Variants in SLC4A10 observed in about 807,000 individuals in gnomAD.
The protein encoded by SLC4A10 is solute carrier family 4 member 10, also known as sodium-driven chloride bicarbonate exchanger.
Under a neutral mutation model 137.7 loss-of-function variants are expected in SLC4A10, and 42 were observed. The ratio of observed to expected loss-of-function variants is 0.30; its 90% CI spans 0.24 to 0.39. The LOEUF (loss-of-function observed/expected upper bound fraction) is 0.39, where lower values mean the gene tolerates loss of function less well. Ranked by LOEUF, SLC4A10 falls within the 10% of genes least tolerant of loss-of-function variation. SLC4A10 has a pLI of 1.00. For missense variants in SLC4A10, 925 were observed against 1,355.0 expected (o/e 0.68, Z 4.98); for synonymous variants, 474 against 464.1 (o/e 1.02, Z -0.27).
rs545539020 is a variant in SLC4A10, at chr2:161,641,434, C to A, written c.48+16868C>A. On this transcript the variant is annotated intron_variant, in intron 1 of 26. Coordinates refer to ENST00000446997, the MANE Select transcript of SLC4A10 (RefSeq NM_001178015.2). The stretch of plus-strand genomic sequence containing the variant: ...GTGAAATAAAGCATGATGATTTGAA[C>A]CTTGCTCATAATGCTGATTTAATAA... Among the ~76,000 whole-genome samples, 16 of 152,134 alleles carry A rather than the reference C, an allele frequency of 1.1e-4. No homozygotes were observed. In the East Asian group the frequency reaches 2.5e-3, roughly 24 times the overall value.
chr2:161,690,033 A>C (rs2041824941), intron 1 of SLC4A10, among the ~76,000 whole-genome samples: 1 of 152,170 alleles, frequency 6.6e-6, no homozygotes, highest in Non-Finnish European at 1.5e-5. Flanking sequence ...ATAGGAAAAA[A>C]GTTTTGCAAT....
chr2:161,966,513 A>G (rs990182875), intron 23 of SLC4A10, among the ~76,000 whole-genome samples: 1 of 152,032 alleles, frequency 6.6e-6, no homozygotes, highest in Non-Finnish European at 1.5e-5. Flanking sequence ...GCAGTTTGGG[A>G]GGCTGAGGCG....
intron 1 of SLC4A10, among the ~76,000 whole-genome samples, chr2:161,640,813 A>C (rs1180254558): frequency 6.6e-6 from 1 of 151,954 alleles, no homozygotes; most frequent in African/African-American, 2.4e-5. Flanking sequence ...CTGCAGGCAC[A>C]CACCACCCTC....
chr2:161,727,451 C>T (rs1418861677), intron 1 of SLC4A10, among the ~76,000 whole-genome samples: 1 of 152,106 alleles, frequency 6.6e-6, no homozygotes, highest in Non-Finnish European at 1.5e-5. Flanking sequence ...AAGAAAACTT[C>T]CAACATAAAA....
intron 1 of SLC4A10, among the ~76,000 whole-genome samples, chr2:161,656,635 T>C (rs2037572103): frequency 6.6e-6 from 1 of 152,138 alleles, no homozygotes; most frequent in Non-Finnish European, 1.5e-5. Context: ...TTGAACAATA[T>C]ATTTTTGCAT....
intron 15 of SLC4A10, among the ~76,000 whole-genome samples, chr2:161,912,565 C>A (rs904158102): frequency 6.6e-6 from 1 of 152,080 alleles, no homozygotes; most frequent in African/African-American, 2.4e-5. Flanking sequence ...GGTCAAGTTA[C>A]AACCATGGGC....
intron 1 of SLC4A10, among the ~76,000 whole-genome samples, chr2:161,636,862 T>C (rs942197372): frequency 6.6e-6 from 1 of 150,696 alleles, no homozygotes; most frequent in Non-Finnish European, 1.5e-5. Context: ...TCTAATTAAT[T>C]TTTTTATTTT....
chr2:161,766,583 A>G (rs1367547373), intron 1 of SLC4A10, among the ~76,000 whole-genome samples: 2 of 152,126 alleles, frequency 1.3e-5, no homozygotes, highest in East Asian at 3.9e-4. Flanking sequence ...ACAGCACCTC[A>G]GAGGGCAGAG....
At chr2:161,718,227 A>AT (rs1160010113) in intron 1 of SLC4A10, among the ~76,000 whole-genome samples, 1 of 151,032 alleles carries the variant, frequency 6.6e-6, no homozygotes, top group East Asian at 1.9e-4. Flanking sequence ...TATTTTATTA[A>AT]TTTTTTAAAA....
At chr2:161,813,869 C>T (rs552556668) in intron 3 of SLC4A10, among the ~76,000 whole-genome samples, 12 of 152,124 alleles carry the variant, frequency 7.9e-5, no homozygotes, top group South Asian at 2.1e-4. Context: ...ATTCTAAAAC[C>T]GTGCTAATGC....
At chr2:161,641,162 A>T (rs1368330495) in intron 1 of SLC4A10, among the ~76,000 whole-genome samples, 1 of 152,172 alleles carries the variant, frequency 6.6e-6, no homozygotes, top group African/African-American at 2.4e-5. Context: ...TCAGTGTCTT[A>T]TCCTTTTCCA....
At chr2:161,761,169 G>A (rs1343407515) in intron 1 of SLC4A10, among the ~76,000 whole-genome samples, 3 of 152,006 alleles carry the variant, frequency 2.0e-5, no homozygotes, top group Non-Finnish European at 4.4e-5. Context: ...TAGATGTTAT[G>A]TGGCTGCACA....
intron 1 of SLC4A10, among the ~76,000 whole-genome samples, chr2:161,722,313 G>A (rs1394828262): frequency 1.3e-5 from 2 of 152,158 alleles, no homozygotes; most frequent in African/African-American, 4.8e-5. Context: ...TCATCTTCAT[G>A]AGCTTATCTA....
intron 5 of SLC4A10, among the ~76,000 whole-genome samples, chr2:161,855,535 A>G (rs1355779986): frequency 6.6e-6 from 1 of 152,170 alleles, no homozygotes; most frequent in Non-Finnish European, 1.5e-5. Context: ...GGACACAGAA[A>G]GGTACGGCCA....
rs186190737 is a variant in SLC4A10 at position 161,848,867 on chromosome 2, C to G, written c.417-6103C>G. Among the ~76,000 whole-genome samples the G allele has an allele frequency of 1.8e-4, 28 of 152,174 alleles. 1 individual carries two copies. In the East Asian group the frequency reaches 4.8e-3, roughly 26 times the overall value. Reference sequence around the variant, plus strand: ...CAGGATCACTTTGGCTATTTGGGATCTTTTTTGGTTCCATATGAATTTTAG... The same window carrying G: ...CAGGATCACTTTGGCTATTTGGGATGTTTTTTGGTTCCATATGAATTTTAG... On this transcript the variant is annotated intron_variant, in intron 4 of 26. Coordinates refer to ENST00000446997, the MANE Select transcript of SLC4A10 (RefSeq NM_001178015.2).
At chr2:161,902,367 G>A (rs1447570004) in intron 12 of SLC4A10, among the ~76,000 whole-genome samples, 2 of 152,050 alleles carry the variant, frequency 1.3e-5, no homozygotes, top group Non-Finnish European at 2.9e-5. Flanking sequence ...TTTGGGATTA[G>A]GTGGGATATA....
rs777130386 is a variant in SLC4A10 at position 161,905,680 on chromosome 2, T to C, written c.1790T>C (p.Ile597Thr). ...TCATACCTATCTTTAAGAGCTAGCA[T>C]TGGACTTTGGACTGCAACTCTATGT... ...GLSYLSLRAS[I>T]GLWTATLCII... Residue 597 changes from isoleucine to threonine, a missense_variant, in exon 15 of 27, where the codon ATT becomes ACT. This residue lies in a region of SLC4A10 where 61 missense variants were observed against 168.0 expected (regional missense o/e 0.36). Coordinates refer to ENST00000446997, the MANE Select transcript of SLC4A10 (RefSeq NM_001178015.2). 6.8e-6 allele frequency: 11 copies of C among 1,613,478 alleles called. No individual in the cohort carries two copies. The highest frequency in any genetic ancestry group is 1.1e-5 in the South Asian group (1 of 91,012).
At chr2:161,773,683 T>G (rs17784966) in intron 2 of SLC4A10, among the ~76,000 whole-genome samples, 6,192 of 151,910 alleles carry the variant, frequency 0.041, 426 homozygotes, top group Admixed American at 0.2. Flanking sequence ...AGGTGCAATA[T>G]ATTTAATGGG....
intron 2 of SLC4A10, among the ~76,000 whole-genome samples, chr2:161,787,682 ATTCT>A (rs1353113692): frequency 6.6e-6 from 1 of 152,084 alleles, no homozygotes; most frequent in Admixed American, 6.5e-5. Flanking sequence ...AAGCTCTGAA[ATTCT>A]TTCTTCTACT....
Sources: gnomAD v4.1 joint callset for allele counts (sites outside exome capture counted in the v4.1 genomes callset) on GRCh38, gnomAD v4.1.1 for gene constraint, gnomAD v4.1.1 regional missense constraint, MANE v1.5 for transcripts, NCBI Gene and HGNC (gene_info 2026-07-23, HGNC 2026-07-21) for gene names.